The following CCDC178 variants were observed in gnomAD, a reference collection of about 807,000 sequenced individuals.
CCDC178 encodes coiled-coil domain-containing protein 178.
In CCDC178, 126 loss-of-function variants were observed where a neutral mutation model predicts 117.4. The ratio of observed to expected loss-of-function variants is 1.07; its 90% CI spans 0.93 to 1.24. The LOEUF (loss-of-function observed/expected upper bound fraction) is 1.24. Among genes scored for constraint, CCDC178 ranks in the 50% most tolerant of loss-of-function variants. The pLI, the probability that CCDC178 is intolerant of heterozygous loss-of-function variation, is 0.00. For synonymous variants in CCDC178, 283 were observed against 313.4 expected (o/e 0.90, Z 1.02); for missense variants, 1,030 against 986.9 (o/e 1.04, Z -0.59).
chr18:32,980,681 A>C (rs2055137666), intron 21 of CCDC178, among the ~76,000 whole-genome samples: 1 of 152,090 alleles, frequency 6.6e-6, no homozygotes, highest in Non-Finnish European at 1.5e-5. Flanking sequence ...ATAAAAGGAA[A>C]GCTATTTGGC....
At chr18:33,432,741 GA>G (rs2064238199) in intron 2 of CCDC178, among the ~76,000 whole-genome samples, 1 of 152,072 alleles carries the variant, frequency 6.6e-6, no homozygotes, top group Non-Finnish European at 1.5e-5. Flanking sequence ...ATAAACGTCA[GA>G]AATATTTTTT....
At chr18:33,363,910 T>C (rs1359633312) in intron 6 of CCDC178, among the ~76,000 whole-genome samples, 2 of 152,124 alleles carry the variant, frequency 1.3e-5, no homozygotes, top group African/African-American at 2.4e-5. Flanking sequence ...TAGAATCTTG[T>C]CTTCTGGATC....
chr18:33,159,624 G>C (rs536154921), intron 20 of CCDC178, among the ~76,000 whole-genome samples: 1 of 151,984 alleles, frequency 6.6e-6, no homozygotes, highest in South Asian at 2.1e-4. Flanking sequence ...TACATTTTGG[G>C]CCTGCTCAAA....
At chr18:33,239,727 T>C in intron 15 of CCDC178, among the ~76,000 whole-genome samples, 1 of 152,016 alleles carries the variant, frequency 6.6e-6, no homozygotes, top group Non-Finnish European at 1.5e-5. Context: ...TATTATTAGA[T>C]CTAAAGAGAG....
chr18:33,072,291 T>C (rs1010966110), intron 21 of CCDC178, among the ~76,000 whole-genome samples: 1 of 152,020 alleles, frequency 6.6e-6, no homozygotes, highest in African/African-American at 2.4e-5. Context: ...TTAGAGAAAA[T>C]ATAGAGGATA....
intron 20 of CCDC178, among the ~76,000 whole-genome samples, chr18:33,197,923 A>G (rs1010627139): frequency 1.3e-5 from 2 of 152,240 alleles, no homozygotes; most frequent in African/African-American, 4.8e-5. Flanking sequence ...ATGACACTGT[A>G]CAATAGTTTA....
intron 21 of CCDC178, among the ~76,000 whole-genome samples, chr18:33,048,158 C>T (rs1371119099): frequency 6.6e-6 from 1 of 152,102 alleles, no homozygotes; most frequent in Non-Finnish European, 1.5e-5. Context: ...AGGGGAAAGG[C>T]CTGAGACAGA....
At chr18:33,361,391 A>G (rs1568175490) in intron 6 of CCDC178, among the ~76,000 whole-genome samples, 1 of 151,792 alleles carries the variant, frequency 6.6e-6, no homozygotes, top group Non-Finnish European at 1.5e-5. Flanking sequence ...AAACTCCTAG[A>G]AAAGAACATA....
At chr18:32,960,556 G>A (rs2054685818) in intron 22 of CCDC178, among the ~76,000 whole-genome samples, 1 of 152,146 alleles carries the variant, frequency 6.6e-6, no homozygotes, top group African/African-American at 2.4e-5. Context: ...CTAGGTGCTA[G>A]TCTAGGTTCT....
chr18:33,185,024 C>A (rs1184474050), intron 20 of CCDC178, among the ~76,000 whole-genome samples: 1 of 151,024 alleles, frequency 6.6e-6, no homozygotes, highest in South Asian at 2.1e-4. Context: ...CTGTACACAG[C>A]TTTTTTTTTC....
At chr18:33,215,127 T>C (rs1472678922) in intron 19 of CCDC178, among the ~76,000 whole-genome samples, 2 of 152,038 alleles carry the variant, frequency 1.3e-5, no homozygotes, top group Non-Finnish European at 2.9e-5. Flanking sequence ...TTTGAAATGA[T>C]AAATTTGAAT....
chr18:33,292,820 C>G (rs2060184721), intron 12 of CCDC178, among the ~76,000 whole-genome samples: 1 of 151,836 alleles, frequency 6.6e-6, no homozygotes, highest in Admixed American at 6.6e-5. Flanking sequence ...TATTTTGATA[C>G]CTGTATACTA....
intron 10 of CCDC178, among the ~76,000 whole-genome samples, chr18:33,330,261 G>A (rs1425152524): frequency 6.6e-6 from 1 of 152,046 alleles, no homozygotes; most frequent in East Asian, 1.9e-4. Flanking sequence ...TTATATTAGA[G>A]AGTTTTCATA....
intron 20 of CCDC178, among the ~76,000 whole-genome samples, chr18:33,130,993 T>C (rs1217182931): frequency 6.6e-6 from 1 of 151,936 alleles, no homozygotes; most frequent in Non-Finnish European, 1.5e-5. Context: ...ATAAGGCAGG[T>C]GCTTCATTCC....
intron 22 of CCDC178, among the ~76,000 whole-genome samples, chr18:32,943,289 T>C (rs2054278763): frequency 6.6e-6 from 1 of 152,210 alleles, no homozygotes; most frequent in African/African-American, 2.4e-5. Context: ...GAAAAATATT[T>C]CAAGTATCCT....
chr18:33,361,520 G>A (rs1169080298), intron 6 of CCDC178, among the ~76,000 whole-genome samples: 3 of 151,348 alleles, frequency 2.0e-5, no homozygotes, highest in Non-Finnish European at 4.4e-5. Flanking sequence ...AAAATGAAAA[G>A]TCCAGTTACA....
At chr18:33,097,269 C>T (rs2057556962) in intron 20 of CCDC178, among the ~76,000 whole-genome samples, 1 of 152,120 alleles carries the variant, frequency 6.6e-6, no homozygotes, top group African/African-American at 2.4e-5. Context: ...AGGCCAGAGG[C>T]CATGTGTAGG....
intron 5 of CCDC178, among the ~76,000 whole-genome samples, chr18:33,374,203 G>C (rs983548638): frequency 6.6e-6 from 1 of 152,132 alleles, no homozygotes; most frequent in African/African-American, 2.4e-5. Context: ...ATGCAGAGAA[G>C]AGCCTCAGAA....
At chr18:33,013,027 A>G (rs867519725) in intron 21 of CCDC178, among the ~76,000 whole-genome samples, 1 of 152,322 alleles carries the variant, frequency 6.6e-6, no homozygotes, top group South Asian at 2.1e-4. Context: ...GAAATTTGGC[A>G]TAATTTACAT....
Sources: allele counts gnomAD v4.1 joint callset (sites outside exome capture counted in the v4.1 genomes callset), GRCh38; gene constraint gnomAD v4.1.1; transcripts MANE v1.5; gene names NCBI Gene and HGNC (gene_info 2026-07-23, HGNC 2026-07-21).